Variants in SLC25A48 observed in about 807,000 individuals in gnomAD.
The protein encoded by SLC25A48 is CTC-321K16.1.
A neutral mutation model predicts 32.2 loss-of-function variants in SLC25A48; 29 were observed. The ratio of observed to expected loss-of-function variants is 0.90; its 90% CI spans 0.67 to 1.23. The LOEUF is 1.23. Among genes scored for constraint, SLC25A48 ranks in the 50% most tolerant of loss-of-function variants. The pLI, the probability that SLC25A48 is intolerant of heterozygous loss-of-function variation, is 0.00. For synonymous variants in SLC25A48, 164 were observed against 172.3 expected, an observed-to-expected ratio of 0.95 and a Z score of 0.38; for missense variants, 399 against 422.7, an observed-to-expected ratio of 0.94 and a Z score of 0.49.
chr5:135,768,407 C>A (rs897006829), intron 3 of SLC25A48, among the ~76,000 whole-genome samples: 5 of 151,158 alleles, frequency 3.3e-5, no homozygotes, highest in African/African-American at 4.9e-5. Context: ...AATGTAAACA[C>A]CCTTGAGATA....
In SLC25A48 at chr5:135,735,738, G is replaced by A. The variant is rs138195128; in HGVS notation, c.-520-76785G>A. Among the ~76,000 whole-genome samples, 74 of 152,330 alleles carry A rather than the reference G, an allele frequency of 4.9e-4. 2 individuals are homozygous for A. The East Asian group carries it at 0.014, about 29-fold the overall frequency. On this transcript the variant is annotated intron_variant, in intron 3 of 10. Coordinates refer to the SLC25A48 transcript ENST00000646290. ...AAAAAATTTCCTGTGAATCTGGGGA[G>A]AGGGTAGAAGTTAGGATGACATTTA...
intron 4 of SLC25A48, chr5:135,827,197 G>A (rs9986271): frequency 0.17 from 25,955 of 152,144 alleles, 2,380 homozygotes; most frequent in Middle Eastern, 0.2. Context: ...CATGTCCCAA[G>A]TTCACAGCCT....
At chr5:135,662,893 T>C (rs974361702) in intron 3 of SLC25A48, among the ~76,000 whole-genome samples, 2 of 152,082 alleles carry the variant, frequency 1.3e-5, no homozygotes, top group Non-Finnish European at 2.9e-5. Flanking sequence ...TTCAGTGTCA[T>C]CTCCTGCACC....
intron 3 of SLC25A48, among the ~76,000 whole-genome samples, chr5:135,689,094 G>A (rs766826920): frequency 2.6e-5 from 4 of 152,206 alleles, no homozygotes; most frequent in Middle Eastern, 3.2e-3. Flanking sequence ...GAGTCTGTGA[G>A]CCTAACCACT....
Position 135,769,551 on chromosome 5 carries a change from A to G in SLC25A48, c.-520-42972A>G, listed in dbSNP as rs190723353. Among the ~76,000 whole-genome samples the G allele has an allele frequency of 1.4e-3, 214 of 151,804 alleles. 4 individuals are homozygous for G. Among genetic ancestry groups the G allele is most frequent in the Admixed American group, 2.4e-3 (37 of 15,216 alleles). On this transcript the variant is annotated intron_variant, in intron 3 of 10. Coordinates refer to the SLC25A48 transcript ENST00000646290. ...ACACCCTACTGGGGTATTGTTTGTA[A>G]TATTCAGGTGAGGAGAGAATGATCT...
At chr5:135,882,782 T>C (rs987017517) in intron 7 of SLC25A48, among the ~76,000 whole-genome samples, 1 of 152,206 alleles carries the variant, frequency 6.6e-6, no homozygotes. Flanking sequence ...CCTGGAATAG[T>C]GCTGGTCTGC....
intron 2 of SLC25A48, among the ~76,000 whole-genome samples, chr5:135,847,473 C>A (rs909495368): frequency 4.6e-5 from 7 of 152,170 alleles, no homozygotes; most frequent in Non-Finnish European, 1.0e-4. Flanking sequence ...GTGTCCTCAT[C>A]TGTGGAACCT....
chr5:135,658,356 G>A (rs1265970029), intron 3 of SLC25A48, among the ~76,000 whole-genome samples: 3 of 152,278 alleles, frequency 2.0e-5, no homozygotes, highest in Middle Eastern at 3.4e-3. Context: ...CTTTGACTTC[G>A]TGTCTCATAT....
chr5:135,613,653 A>G (rs1240645885), intron 1 of SLC25A48, among the ~76,000 whole-genome samples: 4 of 152,042 alleles, frequency 2.6e-5, no homozygotes, highest in African/African-American at 9.7e-5. Flanking sequence ...CAGTCTATGG[A>G]TCTATGGATA....
chr5:135,788,137 C>A (rs1756899212), intron 3 of SLC25A48, among the ~76,000 whole-genome samples: 1 of 151,286 alleles, frequency 6.6e-6, no homozygotes, highest in African/African-American at 2.4e-5. Context: ...TGTACATTCC[C>A]CTGGCATATG....
chr5:135,755,966 T>G (rs781158101), intron 3 of SLC25A48, among the ~76,000 whole-genome samples: 42 of 152,118 alleles, frequency 2.8e-4, no homozygotes, highest in Non-Finnish European at 4.9e-4. Flanking sequence ...TAATGAAATA[T>G]CACTGTGCTA....
At chr5:135,746,644 C>A (rs536328561) in intron 3 of SLC25A48, among the ~76,000 whole-genome samples, 1 of 152,196 alleles carries the variant, frequency 6.6e-6, no homozygotes, top group African/African-American at 2.4e-5. Flanking sequence ...ATACATACTT[C>A]GGCAGTGCAT....
At chr5:135,790,272 T>C (rs1756991533) in intron 3 of SLC25A48, among the ~76,000 whole-genome samples, 1 of 151,956 alleles carries the variant, frequency 6.6e-6, no homozygotes, top group African/African-American at 2.4e-5. Flanking sequence ...CGTACTATCA[T>C]AGAAAAATAT....
At chr5:135,644,254 G>A (rs763184316) in intron 3 of SLC25A48, among the ~76,000 whole-genome samples, 6 of 152,114 alleles carry the variant, frequency 3.9e-5, no homozygotes, top group Non-Finnish European at 7.3e-5. Flanking sequence ...GGCATATTTG[G>A]ACTGAGAAGC....
At chr5:135,883,762 G>C (rs1276161126) in intron 7 of SLC25A48, among the ~76,000 whole-genome samples, 1 of 152,216 alleles carries the variant, frequency 6.6e-6, no homozygotes, top group Non-Finnish European at 1.5e-5. Context: ...GGCTTGGTTG[G>C]GGTGGGCACT....
chr5:135,830,761 A>G (rs764215864), upstream of SLC25A48, among the ~76,000 whole-genome samples: 4 of 152,226 alleles, frequency 2.6e-5, no homozygotes, highest in African/African-American at 4.8e-5. Context: ...GAAGAAAGAC[A>G]GCACAAGCCC....
At chr5:135,774,359 A>G (rs1039388776) in intron 3 of SLC25A48, among the ~76,000 whole-genome samples, 3 of 151,398 alleles carry the variant, frequency 2.0e-5, no homozygotes, top group African/African-American at 7.3e-5. Flanking sequence ...GGTGGTGTAC[A>G]CTCCTTCAAT....
chr5:135,861,313 G>GCGCA (rs1554083752), intron 4 of SLC25A48, among the ~76,000 whole-genome samples: 4 of 145,796 alleles, frequency 2.7e-5, no homozygotes, highest in South Asian at 2.2e-4. Context: ...AAATACACAC[G>GCGCA]CACACACACA....
chr5:135,632,208 G>A (rs535391528), intron 2 of SLC25A48, among the ~76,000 whole-genome samples: 11 of 152,342 alleles, frequency 7.2e-5, no homozygotes, highest in African/African-American at 2.4e-4. Context: ...CGTAGGCTTT[G>A]TCTTGAGGGC....
Sources: gnomAD v4.1 joint callset for allele counts (sites outside exome capture counted in the v4.1 genomes callset) on GRCh38, gnomAD v4.1.1 for gene constraint, MANE v1.5 for transcripts, NCBI Gene and HGNC (gene_info 2026-07-23, HGNC 2026-07-21) for gene names.